The following GALNT13 variants were observed in gnomAD, a reference collection of about 807,000 sequenced individuals.
GALNT13 encodes polypeptide N-acetylgalactosaminyltransferase 13.
Under a neutral mutation model 64.2 loss-of-function variants are expected in GALNT13, and 28 were observed. The observed-to-expected ratio is 0.44, with a 90% CI of 0.32 to 0.60. The LOEUF is 0.60. GALNT13 is among the 20% of genes least tolerant of loss of function. GALNT13 has a pLI of 0.05. For synonymous variants in GALNT13, 214 were observed against 224.6 expected (o/e 0.95, Z 0.42); for missense variants, 577 against 669.8 (o/e 0.86, Z 1.53).
At chr2:153,085,349 G>T in the GALNT13 span, among the ~76,000 whole-genome samples, 1 of 152,142 alleles carries the variant, frequency 6.6e-6, no homozygotes, top group Non-Finnish European at 1.5e-5. Context: ...AAGACAATGG[G>T]GAAAATGTCT....
At position 154,438,724 on chromosome 2, in the gene GALNT13, G is replaced by A. The variant is rs1421565749; in HGVS notation, c.1528G>A (p.Glu510Lys). The A allele has an allele frequency of 1.2e-6, 2 of 1,603,330 alleles. No homozygotes were observed. The highest frequency in any genetic ancestry group is 1.7e-6 in the Non-Finnish European group (2 of 1,173,024). ...RGNQLWEYDA[E>K]RLTLRHVNSN... ...AAATCAGTTATGGGAATATGATGCT[G>A]AGGTATAGTATTTTCTTAATTTACT... The change falls in exon 12 of 13, where the codon GAG becomes AAG. Residue 510 changes from glutamate to lysine, a missense_variant and splice_region_variant. By Grantham distance (56) the Glu-to-Lys change is moderately conservative. Transcript: ENST00000392825.
rs537051137 is a variant in GALNT13, at chr2:154,290,722, G to A, written c.976-10687G>A. Among the ~76,000 whole-genome samples the A allele has an allele frequency of 1.6e-4, 25 of 152,246 alleles. No individual in the cohort carries two copies. The South Asian group carries it at 1.7e-3, about 10-fold the overall frequency. Reference sequence around the variant, plus strand: ...TCACTGACTTCAAAAATGAAGCTGCGGACCCTTGCAGTGAGTGTTACAGTT... The same window carrying A: ...TCACTGACTTCAAAAATGAAGCTGCAGACCCTTGCAGTGAGTGTTACAGTT... On this transcript the variant is annotated intron_variant, in intron 8 of 12. Coordinates refer to ENST00000392825, the MANE Select transcript of GALNT13 (RefSeq NM_052917.4).
chr2:154,391,541 T>A (rs1223332053), intron 9 of GALNT13, among the ~76,000 whole-genome samples: 2 of 152,062 alleles, frequency 1.3e-5, no homozygotes, highest in South Asian at 4.1e-4. Flanking sequence ...ACCAGCCCCA[T>A]CCAAGCTGAA....
chr2:154,026,620 G>T (rs1281689932), intron 3 of GALNT13, among the ~76,000 whole-genome samples: 1 of 152,158 alleles, frequency 6.6e-6, no homozygotes, highest in Admixed American at 6.6e-5. Context: ...CTCACATGCA[G>T]GAGAGAGTGC....
chr2:154,094,525 TGAG>T (rs1701981438), intron 3 of GALNT13, among the ~76,000 whole-genome samples: 1 of 152,022 alleles, frequency 6.6e-6, no homozygotes, highest in Non-Finnish European at 1.5e-5. Context: ...CTTATTTTTG[TGAG>T]AAAATAGTAT....
chr2:154,325,339 G>C (rs915755745), intron 9 of GALNT13, among the ~76,000 whole-genome samples: 25 of 152,154 alleles, frequency 1.6e-4, no homozygotes, highest in East Asian at 7.8e-4. Flanking sequence ...GCCATCTTAA[G>C]CTCTGTTACC....
the GALNT13 span, among the ~76,000 whole-genome samples, chr2:153,696,150 T>G: frequency 3.2e-4 from 48 of 152,164 alleles, no homozygotes; most frequent in Non-Finnish European, 5.1e-4. Context: ...AAGCCGACAG[T>G]GCAACCTTCA....
At chr2:153,674,657 A>G in the GALNT13 span, among the ~76,000 whole-genome samples, 1 of 152,224 alleles carries the variant, frequency 6.6e-6, no homozygotes, top group African/African-American at 2.4e-5. Context: ...CTTCATGACT[A>G]AAACACAAAA....
the GALNT13 span, among the ~76,000 whole-genome samples, chr2:153,085,781 TA>T: frequency 4.6e-5 from 7 of 151,938 alleles, no homozygotes; most frequent in African/African-American, 1.7e-4. Flanking sequence ...CCTACTGGGG[TA>T]TTGCCTAATG....
chr2:153,560,626 A>T, the GALNT13 span, among the ~76,000 whole-genome samples: 1 of 152,092 alleles, frequency 6.6e-6, no homozygotes, highest in Non-Finnish European at 1.5e-5. Context: ...TTTTATCATG[A>T]CTAAATTCTA....
At chr2:153,478,237 C>T in the GALNT13 span, 1 of 1,609,430 alleles carries the variant, frequency 6.2e-7, no homozygotes, top group Admixed American at 1.7e-5. Flanking sequence ...GAGGGCGGGT[C>T]AGTAGGGCCC....
the GALNT13 span, among the ~76,000 whole-genome samples, chr2:153,377,851 G>C: frequency 9.2e-5 from 14 of 152,116 alleles, 1 homozygote; most frequent in Middle Eastern, 6.8e-3. Flanking sequence ...ACAATAAAGA[G>C]AGTTCGAGAA....
intron 2 of GALNT13, among the ~76,000 whole-genome samples, chr2:153,910,628 C>T (rs555835925): frequency 1.1e-4 from 17 of 152,212 alleles, no homozygotes; most frequent in Admixed American, 2.6e-4. Context: ...GATCCTAGTA[C>T]GTTGTAGCTT....
chr2:154,408,872 T>A lies in GALNT13; in HGVS notation c.1297-112T>A, dbSNP rs865950344. 1.3e-5 allele frequency: 9 copies of A among 686,808 alleles called. No homozygotes were observed. The Middle Eastern group carries it at 1.5e-3, about 114-fold the overall frequency. The allele number at this position is 686,808 out of a possible 1,614,324, so 42.5% of individuals were successfully genotyped here. ...TATGTTTTTCTTGGAGAAATTTTCT[T>A]ATGAAGTTGTATTATTCAGTTAACA... On this transcript the variant is annotated intron_variant, in intron 10 of 12. Coordinates refer to ENST00000392825, the MANE Select transcript of GALNT13 (RefSeq NM_052917.4).
chr2:154,198,562 G>A (rs1687001458), intron 4 of GALNT13, among the ~76,000 whole-genome samples: 1 of 151,888 alleles, frequency 6.6e-6, no homozygotes, highest in African/African-American at 2.4e-5. Context: ...GGTGGACAAG[G>A]CACTGAAAAT....
intron 3 of GALNT13, among the ~76,000 whole-genome samples, chr2:154,133,216 T>G (rs1682726720): frequency 6.6e-6 from 1 of 152,164 alleles, no homozygotes; most frequent in Admixed American, 6.5e-5. Flanking sequence ...CAGTTTGTGT[T>G]GAGGTATTGT....
At chr2:153,943,232 A>C (rs1024986011) in intron 2 of GALNT13, among the ~76,000 whole-genome samples, 1 of 152,112 alleles carries the variant, frequency 6.6e-6, no homozygotes, top group Admixed American at 6.6e-5. Flanking sequence ...TCTCTTAATA[A>C]TTATGTACAT....
intron 3 of GALNT13, among the ~76,000 whole-genome samples, chr2:154,137,668 T>G (rs182420066): frequency 1.3e-5 from 2 of 152,244 alleles, no homozygotes; most frequent in East Asian, 3.9e-4. Flanking sequence ...TAAATTGACC[T>G]TCATAGCTTA....
the GALNT13 span, among the ~76,000 whole-genome samples, chr2:153,726,700 G>T: frequency 5.9e-5 from 9 of 151,968 alleles, no homozygotes; most frequent in Non-Finnish European, 1.2e-4. Context: ...TCAGCACTTT[G>T]GGAGGCCGAG....
Sources: gnomAD v4.1 joint callset for allele counts (sites outside exome capture counted in the v4.1 genomes callset) on GRCh38, gnomAD v4.1.1 for gene constraint, MANE v1.5 for transcripts, NCBI Gene and HGNC (gene_info 2026-07-23, HGNC 2026-07-21) for gene names.